RFTN1: variants seen among roughly 807,000 people sequenced by gnomAD.
RFTN1 encodes raftlin, lipid raft linker 1, also known as raftlin.
In RFTN1, 26 loss-of-function variants were observed where a neutral mutation model predicts 46.5. The observed-to-expected ratio is 0.56, with a 90% confidence interval of 0.41 to 0.78. The LOEUF is 0.78. Among genes scored for constraint, RFTN1 ranks in the 30% least tolerant of loss-of-function variants. RFTN1 has a pLI of 0.00. For synonymous variants in RFTN1, 261 were observed against 284.2 expected, an observed-to-expected ratio of 0.92 and a Z score of 0.82; for missense variants, 693 against 718.7, an observed-to-expected ratio of 0.96 and a Z score of 0.41.
At position 16,345,823 on chromosome 3, in the gene RFTN1, C is replaced by T. The variant is rs796823655; in HGVS notation, c.1146+12109G>A. ...GTGTGTGTGTGTGTGTGTGTGCGCG[C>T]GCGCGTGCGCGCACGCGCACATGTG... is the stretch of plus-strand genomic sequence containing the variant. On this transcript the variant is annotated intron_variant, in intron 7 of 9. Coordinates refer to ENST00000334133, the MANE Select transcript of RFTN1 (RefSeq NM_015150.2). This position sits in a 1 kb window ranked among gnomAD's most constrained non-coding sequence, Gnocchi z 5.2. Among the ~76,000 whole-genome samples, 30,994 of 85,312 alleles carry T rather than the reference C, an allele frequency of 0.36. 3,534 individuals are homozygous for T. The highest frequency in any genetic ancestry group is 0.49 in the Middle Eastern group (79 of 162). The allele number at this position is 85,312 out of a possible 152,430, so 56.0% of individuals were successfully genotyped here. A position where few individuals can be genotyped will look rare whatever the true frequency, so the allele number is the denominator to read the frequency against.
chr3:16,395,230 A>G (rs1173529415), intron 4 of RFTN1, among the ~76,000 whole-genome samples: 1 of 152,200 alleles, frequency 6.6e-6, no homozygotes, highest in Non-Finnish European at 1.5e-5. Context: ...TGTCTTTTAG[A>G]TCTTGGCATA....
chr3:16,420,184 G>T (rs886298286), intron 3 of RFTN1, among the ~76,000 whole-genome samples: 6 of 152,160 alleles, frequency 3.9e-5, no homozygotes, highest in Non-Finnish European at 2.9e-5. Flanking sequence ...CTGTCTAATG[G>T]AGTTGTGAAA....
chr3:16,377,368 C>T (rs1176495973), intron 5 of RFTN1, among the ~76,000 whole-genome samples: 3 of 152,148 alleles, frequency 2.0e-5, no homozygotes, highest in African/African-American at 4.8e-5. Flanking sequence ...AGGTTTTCAT[C>T]GGTGCCTGGC....
intron 4 of RFTN1, among the ~76,000 whole-genome samples, chr3:16,403,634 AATATATAATAT>A (rs1428741110): frequency 1.4e-3 from 56 of 41,066 alleles, no homozygotes; most frequent in Non-Finnish European, 2.3e-3. Context: ...TTATGTATAT[AATATATAATAT>A]ATATATAATA....
At chr3:16,445,483 T>TCTCACACACACA (rs1352210263) in intron 2 of RFTN1, among the ~76,000 whole-genome samples, 146 of 126,852 alleles carry the variant, frequency 1.2e-3, no homozygotes, top group African/African-American at 4.2e-3. Flanking sequence ...TCTCTCTCTC[T>TCTCACACACACA]CACACACACA....
At chr3:16,367,232 A>G (rs1222336814) in intron 6 of RFTN1, among the ~76,000 whole-genome samples, 4 of 152,212 alleles carry the variant, frequency 2.6e-5, no homozygotes, top group Non-Finnish European at 5.9e-5. Context: ...TTGTAAGGAC[A>G]CTAATTATCT....
rs571612243 is a variant in RFTN1 at position 16,348,429 on chromosome 3, G to T, written c.1146+9503C>A. 6.6e-6 allele frequency among the ~76,000 whole-genome samples: 1 copy of T among 152,246 alleles called. No individual in the cohort carries two copies. Among genetic ancestry groups the T allele is most frequent in the African/African-American group, 2.4e-5 (1 of 41,552 alleles). On this transcript the variant is annotated intron_variant, in intron 7 of 9. Coordinates refer to ENST00000334133, the MANE Select transcript of RFTN1 (RefSeq NM_015150.2). The surrounding 1 kb of genome is among the most constrained non-coding windows in gnomAD (Gnocchi z 6.3). ...TCTGCTCCTGTCACTTCCCACAGCA[G>T]GAAGCCCCCACACTCAATTCCCTTA...
At chr3:16,391,085 TACC>T (rs932349673) in intron 4 of RFTN1, among the ~76,000 whole-genome samples, 1 of 152,082 alleles carries the variant, frequency 6.6e-6, no homozygotes, top group Non-Finnish European at 1.5e-5. Flanking sequence ...CTATCACCTT[TACC>T]AAGACCATCA....
chr3:16,370,186 T>C lies in RFTN1; in HGVS notation c.920A>G (p.Asn307Ser). 6.2e-7 allele frequency: 1 copy of C among 1,614,198 alleles called. No homozygotes were observed. The highest frequency in any genetic ancestry group is 8.5e-7 in the Non-Finnish European group (1 of 1,180,030). Residue 307 changes from asparagine (N) to serine (S), a missense_variant, in exon 6 of 10, where the codon AAT becomes AGT. Transcript: ENST00000334133. The surrounding 1 kb of genome is among the most constrained non-coding windows in gnomAD (Gnocchi z 5.5). ...GTCCAAACCGCTCACTGTCTGGCCATTCTTGGAGACATGGAGAGGAATGGT... is the reference window on the plus strand; with the variant it reads ...GTCCAAACCGCTCACTGTCTGGCCACTCTTGGAGACATGGAGAGGAATGGT... ...PVTIPLHVSK[N>S]GQTVSGLDAN...
intron 9 of RFTN1, 109 bp downstream of exon 9, chr3:16,323,267 T>C: frequency 1.3e-6 from 1 of 772,058 alleles, no homozygotes. Context: ...CCTTGGGCTC[T>C]GCGAGCCCTT....
chr3:16,419,104 G>C (rs1172857108), intron 3 of RFTN1, among the ~76,000 whole-genome samples: 1 of 152,182 alleles, frequency 6.6e-6, no homozygotes, highest in Non-Finnish European at 1.5e-5. Flanking sequence ...AGAAAAGCAT[G>C]AGTTATATGA....
chr3:16,422,514 C>T lies in RFTN1; in HGVS notation c.332+11337G>A, dbSNP rs1025988777. Among the ~76,000 whole-genome samples the T allele has an allele frequency of 2.0e-5, 3 of 151,976 alleles. No individual in the cohort carries two copies. Among genetic ancestry groups the T allele is most frequent in the Admixed American group, 1.3e-4 (2 of 15,264 alleles). ...GGCGTGGTGGCACGTGCCTGTAATC[C>T]CAGCTACTCAGGAGGCTGAGGCAGG... On this transcript the variant is annotated intron_variant, in intron 3 of 9. Transcript: ENST00000334133. The surrounding 1 kb of genome is among the most constrained non-coding windows in gnomAD (Gnocchi z 4.6).
chr3:16,324,898 G>A (rs1310612526), intron 8 of RFTN1, among the ~76,000 whole-genome samples: 1 of 151,912 alleles, frequency 6.6e-6, no homozygotes, highest in Non-Finnish European at 1.5e-5. Flanking sequence ...AGAAACCTCT[G>A]TACTATTTTC....
Position 16,428,205 on chromosome 3 carries a change from A to G in RFTN1, c.332+5646T>C, listed in dbSNP as rs1263994303. On this transcript the variant is annotated intron_variant, in intron 3 of 9. Coordinates refer to ENST00000334133, the MANE Select transcript of RFTN1 (RefSeq NM_015150.2). This position sits in a 1 kb window ranked among gnomAD's most constrained non-coding sequence, Gnocchi z 4.7. The stretch of plus-strand genomic sequence containing the variant: ...CAATAGGCAGATGTGCCCCAGAATG[A>G]ACTCGAGAAGGGAGGCGTGGAGTTC... Among the ~76,000 whole-genome samples, 1 of 152,202 alleles carries G rather than the reference A, an allele frequency of 6.6e-6. No homozygotes were observed. The highest frequency in any genetic ancestry group is 1.5e-5 in the Non-Finnish European group (1 of 68,032).
At position 16,426,704 on chromosome 3, in the gene RFTN1, C is replaced by G. The variant is rs973233588; in HGVS notation, c.332+7147G>C. ...GTGTGTGTGTGTGTGTGTGTCTGTT[C>G]CATTACTTGAGGTCTGTGCTATGTG... On this transcript the variant is annotated intron_variant, in intron 3 of 9. Coordinates refer to ENST00000334133, the MANE Select transcript of RFTN1 (RefSeq NM_015150.2). This position sits in a 1 kb window ranked among gnomAD's most constrained non-coding sequence, Gnocchi z 5.9. Among the ~76,000 whole-genome samples, 2 of 93,050 alleles carry G rather than the reference C, an allele frequency of 2.1e-5. No individual in the cohort carries two copies. The highest frequency in any genetic ancestry group is 1.0e-4 in the Admixed American group (1 of 9,562). 61.0% of individuals were successfully genotyped at this position (93,050 alleles called of 152,430 possible).
rs192757445 is a variant in RFTN1, at chr3:16,474,270, G to A, written c.145+19455C>T. 3.9e-5 allele frequency among the ~76,000 whole-genome samples: 6 copies of A among 152,258 alleles called. No individual in the cohort carries two copies. Among genetic ancestry groups the A allele is most frequent in the East Asian group, 1.9e-4 (1 of 5,184 alleles). On this transcript the variant is annotated intron_variant, in intron 2 of 9. Transcript: ENST00000334133. This position sits in a 1 kb window ranked among gnomAD's most constrained non-coding sequence, Gnocchi z 5.5. ...CTCACAGGGCCTAAGTAACTCATCC[G>A]AGGTCACAGAGCAAATGAGAGAGAT...
rs377586704 is a variant in RFTN1 at position 16,507,579 on chromosome 3, G to A, written c.-9+5863C>T. On this transcript the variant is annotated intron_variant, in intron 1 of 9. Transcript: ENST00000334133. The surrounding 1 kb of genome is among the most constrained non-coding windows in gnomAD (Gnocchi z 7.1). ...GGATTCCTCAGGACAAAGGGTAAAAGGCAAAGTAGGGAGTTTCAAAACACA... is the reference window on the plus strand; with the variant it reads ...GGATTCCTCAGGACAAAGGGTAAAAAGCAAAGTAGGGAGTTTCAAAACACA... Among the ~76,000 whole-genome samples the A allele has an allele frequency of 6.6e-6, 1 of 150,948 alleles. No homozygotes were observed. The highest frequency in any genetic ancestry group is 1.5e-5 in the Non-Finnish European group (1 of 67,882).
intron 1 of RFTN1, among the ~76,000 whole-genome samples, chr3:16,502,292 T>C (rs1559379263): frequency 6.6e-6 from 1 of 151,620 alleles, no homozygotes; most frequent in Non-Finnish European, 1.5e-5. Context: ...GCCTAGGATG[T>C]TGAGGCTGCA....
chr3:16,462,185 A>G (rs1408501879), intron 2 of RFTN1, among the ~76,000 whole-genome samples: 3 of 152,234 alleles, frequency 2.0e-5, no homozygotes, highest in Non-Finnish European at 4.4e-5. Flanking sequence ...CTTCTGTACA[A>G]TGGTGGTAAT....
Sources: allele counts gnomAD v4.1 joint callset (sites outside exome capture counted in the v4.1 genomes callset), GRCh38; gene constraint gnomAD v4.1.1; non-coding constraint Gnocchi (gnomAD v3.1); transcripts MANE v1.5; gene names NCBI Gene and HGNC (gene_info 2026-07-23, HGNC 2026-07-21).